CNTFR: variants seen among roughly 807,000 people sequenced by gnomAD.
CNTFR encodes the protein ciliary neurotrophic factor receptor, also known as ciliary neurotrophic factor receptor subunit alpha.
CNTFR carries 12 observed loss-of-function variants against 40.4 expected under a neutral mutation model. The ratio of observed to expected loss-of-function variants is 0.30; its 90% CI spans 0.19 to 0.48. The LOEUF (loss-of-function observed/expected upper bound fraction) is 0.48, where lower values mean the gene tolerates loss of function less well. Ranked by LOEUF, CNTFR falls within the 20% of genes least tolerant of loss-of-function variation. CNTFR has a pLI of 0.99. For synonymous variants in CNTFR, 202 were observed against 209.6 expected (o/e 0.96, Z 0.31); for missense variants, 414 against 506.8 (o/e 0.82, Z 1.76).
In CNTFR at chr9:34,552,698, G is replaced by C. The variant is rs1342323622; in HGVS notation, c.925C>G (p.Leu309Val). ...CCCGCAGCCTGGGCCTCCGTGGTGA[G>C]GTGTCGCGGTTCCTCAGTCCAGGGC... ...ATPWTEEPRHLTTEAQAAETT... is the reference protein window; with the variant it reads ...ATPWTEEPRHVTTEAQAAETT... Residue 309 changes from leucine (L) to valine (V), a missense_variant, in exon 8 of 10, where the codon CTC becomes GTC. Physicochemically the swap from Leu to Val is conservative, Grantham distance 32. Around this residue, in one of 3 missense-constraint regions of CNTFR, gnomAD observed 81 missense variants for 92.2 expected, o/e 0.88. Transcript: ENST00000378980. The surrounding 1 kb of genome is among the most constrained non-coding windows in gnomAD (Gnocchi z 5.1). The C allele has an allele frequency of 1.2e-6, 2 of 1,613,648 alleles. No homozygotes were observed. The highest frequency in any genetic ancestry group is 1.7e-5 in the Admixed American group (1 of 60,012).
At chr9:34,578,847 C>T (rs988871472) in intron 2 of CNTFR, among the ~76,000 whole-genome samples, 6 of 152,232 alleles carry the variant, frequency 3.9e-5, no homozygotes, top group Admixed American at 2.6e-4. Flanking sequence ...GGCTCACCAT[C>T]CTGCCCTCTG....
intron 2 of CNTFR, among the ~76,000 whole-genome samples, chr9:34,570,856 A>G (rs7048197): frequency 0.98 from 149,087 of 152,274 alleles, 73,062 homozygotes; most frequent in East Asian, 1. Flanking sequence ...GAGAGCAATG[A>G]ACTTCCTGGG....
intron 7 of CNTFR, among the ~76,000 whole-genome samples, chr9:34,553,608 G>A (rs1825719659): frequency 6.6e-6 from 1 of 152,212 alleles, no homozygotes; most frequent in South Asian, 2.1e-4. Context: ...TCACCCTGCT[G>A]GGGCGGAAAG....
At chr9:34,556,104 A>G (rs1256656936) in intron 7 of CNTFR, 151 bp downstream of exon 7, 2 of 892,374 alleles carry the variant, frequency 2.2e-6, no homozygotes, top group Non-Finnish European at 3.4e-6. Context: ...AGCTCCATCC[A>G]TTCTCCCAGG....
At chr9:34,576,063 G>A (rs920836530) in intron 2 of CNTFR, among the ~76,000 whole-genome samples, 1 of 151,988 alleles carries the variant, frequency 6.6e-6, no homozygotes, top group Non-Finnish European at 1.5e-5. Context: ...ACTTCACCCC[G>A]AGACAGAGCA....
At chr9:34,576,012 C>T (rs1356945942) in intron 2 of CNTFR, among the ~76,000 whole-genome samples, 3 of 152,196 alleles carry the variant, frequency 2.0e-5, no homozygotes, top group African/African-American at 7.2e-5. Flanking sequence ...CACGTGCTCA[C>T]ACACACACCA....
At chr9:34,567,166 A>G (rs1445835558) in intron 3 of CNTFR, among the ~76,000 whole-genome samples, 1 of 76,018 alleles carries the variant, frequency 1.3e-5, no homozygotes, top group East Asian at 4.1e-4. Flanking sequence ...AAATTAAATC[A>G]AGCAGCAGGG....
intron 7 of CNTFR, 95 bp downstream of exon 7, chr9:34,556,160 C>T: frequency 2.2e-6 from 3 of 1,371,808 alleles, no homozygotes; most frequent in Non-Finnish European, 3.0e-6. Flanking sequence ...CATCAGGTCT[C>T]ACACTGGAGC....
chr9:34,557,726 A>G lies in CNTFR; in HGVS notation c.438-34T>C. On this transcript the variant is annotated intron_variant, in intron 5 of 9. Transcript: ENST00000378980. This position sits in a 1 kb window ranked among gnomAD's most constrained non-coding sequence, Gnocchi z 4.2. ...AGGTGAGACCCAGGCACTGTTACGA[A>G]CATCAAGGGTCAGGTGGGGCAGAGG... The G allele has an allele frequency of 6.2e-7, 1 of 1,613,314 alleles. No individual in the cohort carries two copies.
At position 34,589,348 on chromosome 9, in the gene CNTFR, C is replaced by G. The variant is rs1827681114; in HGVS notation, c.-112+207G>C. Among the ~76,000 whole-genome samples, 1 of 152,150 alleles carries G rather than the reference C, an allele frequency of 6.6e-6. No homozygotes were observed. On this transcript the variant is annotated intron_variant, in intron 1 of 9. Transcript: ENST00000378980. This position sits in a 1 kb window ranked among gnomAD's most constrained non-coding sequence, Gnocchi z 4.4. ...CCACCACCACCACCACGCCCAACCCCCGGAGCGCCCGGACGTGGGGGGCCG... is the reference window on the plus strand; with the variant it reads ...CCACCACCACCACCACGCCCAACCCGCGGAGCGCCCGGACGTGGGGGGCCG...
At chr9:34,566,879 C>T (rs868028398) in intron 3 of CNTFR, among the ~76,000 whole-genome samples, 7 of 152,098 alleles carry the variant, frequency 4.6e-5, no homozygotes, top group African/African-American at 1.4e-4. Context: ...AAAGTAGAAA[C>T]GCAACCTGAC....
chr9:34,574,568 A>C (rs549747585), intron 2 of CNTFR, among the ~76,000 whole-genome samples: 4 of 152,260 alleles, frequency 2.6e-5, no homozygotes, highest in Admixed American at 2.6e-4. Flanking sequence ...GCCAAGCACC[A>C]GTAGGAAGGG....
At chr9:34,559,634 G>A (rs950089612) in intron 4 of CNTFR, among the ~76,000 whole-genome samples, 5 of 152,226 alleles carry the variant, frequency 3.3e-5, no homozygotes, top group Admixed American at 6.5e-5. Context: ...GGTGGGGGGC[G>A]GCCAAGGACA....
chr9:34,554,147 G>A (rs531977602), intron 7 of CNTFR, among the ~76,000 whole-genome samples: 95 of 152,218 alleles, frequency 6.2e-4, no homozygotes, highest in Non-Finnish European at 1.0e-3. Flanking sequence ...CTGGAAGATC[G>A]GAGGGTCCCA....
In CNTFR at chr9:34,564,612, C is replaced by T. The variant is rs777740682; in HGVS notation, c.306G>A (p.Leu102=). 2 of 1,610,560 alleles carry T rather than the reference C, an allele frequency of 1.2e-6. No individual in the cohort carries two copies. The highest frequency in any genetic ancestry group is 8.5e-7 in the Non-Finnish European group (1 of 1,178,510). The change falls in exon 4 of 10, where the codon CTG becomes CTA. Residue 102 remains leucine, a synonymous_variant. Transcript: ENST00000378980. ...RDSWHLRHQV[L]LHVGLPPREP... The stretch of plus-strand genomic sequence containing the variant: ...GGCAACACTTACAGCCCACATGCAG[C>T]AGGACTTGGTGGCGCAGGTGCCAGG...
intron 2 of CNTFR, chr9:34,569,786 A>C (rs1316626199): frequency 6.6e-6 from 1 of 152,216 alleles, no homozygotes; most frequent in Non-Finnish European, 1.5e-5. Context: ...CCTTGACCCC[A>C]GCCATGTGCC....
upstream of CNTFR, among the ~76,000 whole-genome samples, chr9:34,590,372 G>A (rs1162149751): frequency 6.6e-6 from 1 of 152,148 alleles, no homozygotes; most frequent in Non-Finnish European, 1.5e-5. Flanking sequence ...TCCTCCCTCC[G>A]GCGTCGCCGT....
rs1405343062 is a variant in CNTFR at position 34,557,183 on chromosome 9, C to T, written c.604+343G>A. 3.9e-5 allele frequency among the ~76,000 whole-genome samples: 4 copies of T among 102,734 alleles called. No individual in the cohort carries two copies. Among genetic ancestry groups the T allele is most frequent in the Non-Finnish European group, 7.2e-5 (3 of 41,610 alleles). 67.4% of individuals were successfully genotyped at this position (102,734 alleles called of 152,430 possible). ...CATTCATCACAGTCCGTAAGGAAGC[C>T]ATTAGAGTTGGGGGGGGGTGCGGTG... On this transcript the variant is annotated intron_variant, in intron 6 of 9. Transcript: ENST00000378980. This position sits in a 1 kb window ranked among gnomAD's most constrained non-coding sequence, Gnocchi z 4.2.
chr9:34,559,247 G>A (rs1326767317), intron 4 of CNTFR, among the ~76,000 whole-genome samples: 1 of 152,198 alleles, frequency 6.6e-6, no homozygotes. Flanking sequence ...GCACGTGACT[G>A]TGAGTGACTC....
Sources: allele counts gnomAD v4.1 joint callset (sites outside exome capture counted in the v4.1 genomes callset), GRCh38; gene constraint gnomAD v4.1.1; regional missense constraint gnomAD v4.1.1; non-coding constraint Gnocchi (gnomAD v3.1); transcripts MANE v1.5; gene names NCBI Gene and HGNC (gene_info 2026-07-23, HGNC 2026-07-21).